The following PAWR variants were observed in gnomAD, a reference collection of about 807,000 sequenced individuals.
PAWR encodes pro-apoptotic WT1 regulator, also known as PRKC apoptosis WT1 regulator protein.
A neutral mutation model predicts 32.0 loss-of-function variants in PAWR; 23 were observed. The observed-to-expected ratio is 0.72, with a 90% CI of 0.52 to 1.02. The LOEUF (loss-of-function observed/expected upper bound fraction) is 1.02. Ranked by LOEUF, PAWR falls within the 50% of genes least tolerant of loss-of-function variation. PAWR has a pLI of 0.00. For synonymous variants in PAWR, 226 were observed against 187.1 expected (o/e 1.21, Z -1.70); for missense variants, 457 against 437.7 (o/e 1.04, Z -0.39).
rs1055755724 is a variant in PAWR at position 79,690,283 on chromosome 12, C to T, written c.-39G>A. ...CCGGTCGGGCTCTCACCTCAGGCCG[C>T]CCACCAGGGCTCCGGCCGCTGCCTC... On this transcript the variant is annotated 5_prime_UTR_variant, in exon 2 of 7. Transcript: ENST00000328827. The T allele has an allele frequency of 4.9e-6, 7 of 1,421,344 alleles. No homozygotes were observed. The highest frequency in any genetic ancestry group is 6.4e-6 in the Non-Finnish European group (7 of 1,088,980). 88.0% of individuals were successfully genotyped at this position (1,421,344 alleles called of 1,614,324 possible).
At chr12:79,653,788 A>AT (rs1178973629) in intron 2 of PAWR, among the ~76,000 whole-genome samples, 1 of 152,166 alleles carries the variant, frequency 6.6e-6, no homozygotes, top group Non-Finnish European at 1.5e-5. Flanking sequence ...CTCAGTGCTT[A>AT]TTTTTTAAGA....
intron 2 of PAWR, among the ~76,000 whole-genome samples, chr12:79,626,163 T>TAAAA (rs565157190): frequency 6.1e-5 from 5 of 82,108 alleles, no homozygotes; most frequent in African/African-American, 7.1e-5. Context: ...GACTCCATCT[T>TAAAA]AAAAAAAAAA....
intron 4 of PAWR, among the ~76,000 whole-genome samples, chr12:79,599,265 C>T (rs958727923): frequency 3.9e-5 from 6 of 152,272 alleles, no homozygotes; most frequent in Middle Eastern, 3.4e-3. Flanking sequence ...AGCTAACTCC[C>T]AAACTACAGT....
Position 79,621,071 on chromosome 12 carries a change from C to T in PAWR, c.648+5G>A. On this transcript the variant is annotated splice_donor_5th_base_variant and intron_variant, in intron 3 of 6. Coordinates refer to ENST00000328827, the MANE Select transcript of PAWR (RefSeq NM_002583.4). ...AGTGACTTCCTGGTATTTTTAAATA[C>T]TCACCTGTAGCAGATAGGAACTGCC... 1.3e-6 allele frequency: 2 copies of T among 1,584,454 alleles called. No homozygotes were observed. Among genetic ancestry groups the T allele is most frequent in the Non-Finnish European group, 8.6e-7 (1 of 1,168,980 alleles).
intron 2 of PAWR, among the ~76,000 whole-genome samples, chr12:79,640,621 G>C (rs1413652578): frequency 6.6e-6 from 1 of 152,170 alleles, no homozygotes; most frequent in East Asian, 1.9e-4. Flanking sequence ...TGCGCCTGTA[G>C]TCCCAGCCAC....
intron 3 of PAWR, among the ~76,000 whole-genome samples, chr12:79,618,574 GT>G (rs1194749333): frequency 8.5e-5 from 13 of 152,122 alleles, no homozygotes; most frequent in African/African-American, 3.1e-4. Flanking sequence ...ATTGGCCAAT[GT>G]TTCTCCTTTC....
Position 79,690,316 on chromosome 12 carries a change from T to C in PAWR, c.-72A>G. On this transcript the variant is annotated 5_prime_UTR_variant, in exon 2 of 7. Transcript: ENST00000328827. ...GGCTCCGGCCGCTGCCTCCTCTTCC[T>C]TCCTGCGGCCCCGAGGATGCCAGGA... The C allele has an allele frequency of 7.3e-7, 1 of 1,371,462 alleles. No homozygotes were observed. Among genetic ancestry groups the C allele is most frequent in the South Asian group, 1.6e-5 (1 of 60,940 alleles). 85.0% of individuals were successfully genotyped at this position (1,371,462 alleles called of 1,614,324 possible).
chr12:79,592,778 C>A, intron 6 of PAWR, 85 bp from the exon 7 acceptor site: 2 of 580,174 alleles, frequency 3.4e-6, no homozygotes, highest in Non-Finnish European at 6.0e-6. Flanking sequence ...AAAAATAATT[C>A]ATACAACCAA....
intron 4 of PAWR, among the ~76,000 whole-genome samples, chr12:79,608,545 T>C (rs1032319036): frequency 2.0e-5 from 3 of 152,172 alleles, no homozygotes; most frequent in Non-Finnish European, 2.9e-5. Context: ...CACAGACAGG[T>C]AGCAGTCCAC....
At chr12:79,633,434 C>T (rs1875811131) in intron 2 of PAWR, among the ~76,000 whole-genome samples, 1 of 152,138 alleles carries the variant, frequency 6.6e-6, no homozygotes, top group African/African-American at 2.4e-5. Flanking sequence ...CATAATGAAC[C>T]ACCTACCAGA....
At chr12:79,660,583 CTTTT>C (rs754493353) in intron 2 of PAWR, among the ~76,000 whole-genome samples, 6 of 135,418 alleles carry the variant, frequency 4.4e-5, no homozygotes, top group African/African-American at 1.4e-4. Context: ...TTTCATTGTA[CTTTT>C]TTTTTTTTTT....
At chr12:79,639,810 C>CTTTTCCT (rs1462289782) in intron 2 of PAWR, among the ~76,000 whole-genome samples, 1 of 125,112 alleles carries the variant, frequency 8.0e-6, no homozygotes, top group African/African-American at 5.6e-5. Context: ...ATTTCCATTC[C>CTTTTCCT]ATTCCTTTTC....
At chr12:79,665,541 A>T (rs549942190) in intron 2 of PAWR, among the ~76,000 whole-genome samples, 56 of 152,338 alleles carry the variant, frequency 3.7e-4, no homozygotes, top group African/African-American at 1.3e-3. Context: ...TGTTACATAG[A>T]GGAAAACTGA....
intron 2 of PAWR, among the ~76,000 whole-genome samples, chr12:79,652,830 A>G (rs535988838): frequency 6.6e-6 from 1 of 152,340 alleles, no homozygotes; most frequent in East Asian, 1.9e-4. Context: ...ATGTTGTATC[A>G]TGAATTCACA....
intron 4 of PAWR, among the ~76,000 whole-genome samples, chr12:79,603,398 T>G (rs1320604291): frequency 6.6e-6 from 1 of 152,000 alleles, no homozygotes; most frequent in Non-Finnish European, 1.5e-5. Flanking sequence ...CATACCATAT[T>G]ATAGAAGACC....
chr12:79,601,382 T>C (rs896464444), intron 4 of PAWR, among the ~76,000 whole-genome samples: 2 of 151,994 alleles, frequency 1.3e-5, no homozygotes, highest in African/African-American at 2.4e-5. Context: ...TTTATCTTAA[T>C]TTTTTAGAAG....
chr12:79,601,207 ATTTTTT>A (rs534042888), intron 4 of PAWR, among the ~76,000 whole-genome samples: 3 of 118,492 alleles, frequency 2.5e-5, no homozygotes, highest in African/African-American at 6.9e-5. Context: ...GGAAACCTGA[ATTTTTT>A]TTTTTTTTTT....
At chr12:79,594,279 C>T (rs372751457) in intron 6 of PAWR, 50 bp downstream of exon 6, 71 of 674,330 alleles carry the variant, frequency 1.1e-4, no homozygotes, top group Non-Finnish European at 1.8e-4. Flanking sequence ...TATTTTCATC[C>T]AATTGCCAAA....
At position 79,678,963 on chromosome 12, in the gene PAWR, T is replaced by G. The variant is rs2136875550; in HGVS notation, c.516+10766A>C. Among the ~76,000 whole-genome samples the G allele has an allele frequency of 2.6e-5, 4 of 151,824 alleles. 1 individual carries two copies. Among genetic ancestry groups the G allele is most frequent in the Admixed American group, 2.6e-4 (4 of 15,236 alleles). Reference sequence around the variant, plus strand: ...CCCAGGCTGAAGTGCAGTGGCATTATCATAGCTAACGGCAGCCTAAAATTC... The same window carrying G: ...CCCAGGCTGAAGTGCAGTGGCATTAGCATAGCTAACGGCAGCCTAAAATTC... On this transcript the variant is annotated intron_variant, in intron 2 of 6. Coordinates refer to ENST00000328827, the MANE Select transcript of PAWR (RefSeq NM_002583.4).
Sources: allele counts gnomAD v4.1 joint callset (sites outside exome capture counted in the v4.1 genomes callset), GRCh38; gene constraint gnomAD v4.1.1; transcripts MANE v1.5; gene names NCBI Gene and HGNC (gene_info 2026-07-23, HGNC 2026-07-21).